The following NAALADL2 variants were observed in gnomAD, a reference collection of about 807,000 sequenced individuals.
The protein encoded by NAALADL2 is inactive N-acetylated-alpha-linked acidic dipeptidase-like protein 2.
In NAALADL2, 76 loss-of-function variants were observed where a neutral mutation model predicts 87.2. The ratio of observed to expected loss-of-function variants is 0.87; its 90% confidence interval spans 0.72 to 1.05. The LOEUF is 1.05. Ranked by LOEUF, NAALADL2 falls within the 50% of genes least tolerant of loss-of-function variation. The probability of loss-of-function intolerance (pLI) is 0.00; values close to 1 mark genes in which losing one functional copy is unlikely to be tolerated. For synonymous variants in NAALADL2, 354 were observed against 331.0 expected, an observed-to-expected ratio of 1.07 and a Z score of -0.75; for missense variants, 1,089 against 945.8, an observed-to-expected ratio of 1.15 and a Z score of -1.99.
intron 1 of NAALADL2, among the ~76,000 whole-genome samples, chr3:175,037,760 A>G (rs542085872): frequency 3.3e-5 from 5 of 152,204 alleles, no homozygotes; most frequent in Admixed American, 3.3e-4. Flanking sequence ...TACACATCCT[A>G]GTTCTAAGGG....
chr3:175,483,326 CTTT>C (rs563162771), intron 9 of NAALADL2, among the ~76,000 whole-genome samples: 6 of 131,534 alleles, frequency 4.6e-5, no homozygotes, highest in East Asian at 2.3e-4. Context: ...TACTTTTTGG[CTTT>C]TTTTTTTTTT....
intron 2 of NAALADL2, among the ~76,000 whole-genome samples, chr3:175,129,307 G>A (rs1196146671): frequency 6.6e-6 from 1 of 151,946 alleles, no homozygotes; most frequent in Non-Finnish European, 1.5e-5. Context: ...TGTGTGTGTG[G>A]TGAGAACACT....
At chr3:175,202,359 C>A (rs899832735) in intron 2 of NAALADL2, among the ~76,000 whole-genome samples, 3 of 152,104 alleles carry the variant, frequency 2.0e-5, no homozygotes, top group Non-Finnish European at 4.4e-5. Flanking sequence ...CTATGCATCT[C>A]TTTCCTTAGT....
intron 13 of NAALADL2, among the ~76,000 whole-genome samples, chr3:175,761,188 TA>T (rs960456847): frequency 2.7e-5 from 4 of 150,934 alleles, no homozygotes; most frequent in African/African-American, 7.4e-5. Flanking sequence ...TTTACTGCCC[TA>T]AAAATCTCTT....
At chr3:175,777,885 C>T (rs555263726) in intron 13 of NAALADL2, among the ~76,000 whole-genome samples, 6 of 152,152 alleles carry the variant, frequency 3.9e-5, no homozygotes, top group East Asian at 1.9e-4. Context: ...AATAATTTAC[C>T]GTGATCCTTT....
chr3:174,503,406 C>A (rs909590713), intron 1 of NAALADL2, among the ~76,000 whole-genome samples: 1 of 152,026 alleles, frequency 6.6e-6, no homozygotes, highest in Non-Finnish European at 1.5e-5. Context: ...ATTAAAACAA[C>A]ACAAAAATTT....
chr3:175,754,003 A>T (rs1250590060), intron 12 of NAALADL2, among the ~76,000 whole-genome samples: 1 of 152,160 alleles, frequency 6.6e-6, no homozygotes. Flanking sequence ...TGAGAATGAT[A>T]CCAGTAATTG....
intron 2 of NAALADL2, among the ~76,000 whole-genome samples, chr3:174,713,872 G>T (rs1451432238): frequency 3.3e-5 from 5 of 151,878 alleles, no homozygotes; most frequent in African/African-American, 1.2e-4. Flanking sequence ...TGAAGTCCTT[G>T]CCCATGCCTA....
intron 9 of NAALADL2, among the ~76,000 whole-genome samples, chr3:175,490,577 A>G (rs1368980659): frequency 1.5e-5 from 2 of 131,748 alleles, no homozygotes; most frequent in East Asian, 4.5e-4. Context: ...TTGTATTTTT[A>G]CTAGAGACAT....
chr3:175,576,361 C>T (rs191253322), intron 10 of NAALADL2, among the ~76,000 whole-genome samples, 174 bp downstream of exon 10: 16 of 152,294 alleles, frequency 1.1e-4, no homozygotes, highest in African/African-American at 3.6e-4. Context: ...TTGAAAACAT[C>T]AGCTCTTTTC....
chr3:174,762,758 C>T (rs1021251062), intron 3 of NAALADL2, among the ~76,000 whole-genome samples: 3 of 151,876 alleles, frequency 2.0e-5, no homozygotes, highest in African/African-American at 7.3e-5. Flanking sequence ...AGAAAATCAG[C>T]GTGATGGGTA....
intron 2 of NAALADL2, among the ~76,000 whole-genome samples, chr3:175,134,923 A>G (rs1728877676): frequency 1.3e-5 from 2 of 152,158 alleles, no homozygotes; most frequent in South Asian, 4.1e-4. Flanking sequence ...CAAACATATT[A>G]TAGTTCAAAT....
chr3:174,515,554 G>A (rs1443087002), intron 1 of NAALADL2, among the ~76,000 whole-genome samples: 1 of 151,952 alleles, frequency 6.6e-6, no homozygotes, highest in Non-Finnish European at 1.5e-5. Flanking sequence ...TACTGTTAAA[G>A]GGGCAGCTTT....
At chr3:175,300,548 C>A (rs1756926419) in intron 4 of NAALADL2, among the ~76,000 whole-genome samples, 2 of 152,082 alleles carry the variant, frequency 1.3e-5, no homozygotes, top group Middle Eastern at 3.4e-3. Context: ...TTACCCATTT[C>A]TTCTAGATTT....
intron 2 of NAALADL2, among the ~76,000 whole-genome samples, chr3:174,718,791 C>T (rs1466879581): frequency 6.6e-6 from 1 of 152,082 alleles, no homozygotes; most frequent in African/African-American, 2.4e-5. Context: ...TCCCTTTAGT[C>T]GGCACAAATA....
At chr3:175,788,149 A>G (rs1313296454) in intron 13 of NAALADL2, among the ~76,000 whole-genome samples, 7 of 147,976 alleles carry the variant, frequency 4.7e-5, no homozygotes, top group Non-Finnish European at 1.0e-4. Flanking sequence ...CAGGAGTGCA[A>G]GTGGTATGAT....
chr3:174,937,542 G>A (rs1737879554), intron 1 of NAALADL2, among the ~76,000 whole-genome samples: 1 of 151,916 alleles, frequency 6.6e-6, no homozygotes. Flanking sequence ...TCTCTTCATG[G>A]AGCTATTTGT....
chr3:175,609,852 C>T (rs779328075), intron 10 of NAALADL2, among the ~76,000 whole-genome samples: 1 of 152,052 alleles, frequency 6.6e-6, no homozygotes, highest in Non-Finnish European at 1.5e-5. Flanking sequence ...AGGAAGGGTA[C>T]TTGGCATTAT....
intron 6 of NAALADL2, among the ~76,000 whole-genome samples, chr3:175,447,789 C>A (rs1560567750): frequency 6.6e-6 from 1 of 152,292 alleles, no homozygotes; most frequent in Admixed American, 6.5e-5. Flanking sequence ...CTGCAATTGA[C>A]TAAAAAATCC....
Sources: gnomAD v4.1 joint callset for allele counts (sites outside exome capture counted in the v4.1 genomes callset) on GRCh38, gnomAD v4.1.1 for gene constraint, MANE v1.5 for transcripts, NCBI Gene and HGNC (gene_info 2026-07-23, HGNC 2026-07-21) for gene names.